The following MYH4 variants were observed in gnomAD, a reference collection of about 807,000 sequenced individuals.
MYH4 encodes myosin-4.
Under a neutral mutation model 229.9 loss-of-function variants are expected in MYH4, and 200 were observed. The ratio of observed to expected loss-of-function variants is 0.87; its 90% CI spans 0.78 to 0.98. The LOEUF (loss-of-function observed/expected upper bound fraction) is 0.98, where lower values mean the gene tolerates loss of function less well. MYH4 is among the 50% of genes least tolerant of loss of function. The pLI is 0.00. For missense variants in MYH4, 2,148 were observed against 2,332.6 expected, an observed-to-expected ratio of 0.92 and a Z score of 1.63; for synonymous variants, 761 against 834.6, an observed-to-expected ratio of 0.91 and a Z score of 1.52.
chr17:10,458,073 G>C (rs2072661233), intron 15 of MYH4, among the ~76,000 whole-genome samples: 1 of 151,994 alleles, frequency 6.6e-6, no homozygotes, highest in Admixed American at 6.5e-5. Flanking sequence ...CCTTTACCTC[G>C]AATCTAGAGG....
At chr17:10,463,498 T>C in intron 8 of MYH4, 53 bp downstream of exon 8, 1 of 1,578,736 alleles carries the variant, frequency 6.3e-7, no homozygotes, top group Admixed American at 1.7e-5. Context: ...TGACACCACA[T>C]GCACACAAGA....
At chr17:10,462,747 C>A in intron 11 of MYH4, 118 bp downstream of exon 11, 1 of 766,246 alleles carries the variant, frequency 1.3e-6, no homozygotes. Context: ...GTAAGAAAGC[C>A]CAAAGGGTTG....
At position 10,463,996 on chromosome 17, in the gene MYH4, C is replaced by T. The variant is rs143927218; in HGVS notation, c.649-353G>A. On this transcript the variant is annotated intron_variant, in intron 7 of 39. Transcript: ENST00000255381. ...AATTGGCTGCTATGATTTTGAAGCA[C>T]CACAGTCAGTTAAAAAAATTAACCT... Among the ~76,000 whole-genome samples the T allele has an allele frequency of 8.3e-4, 127 of 152,264 alleles. 1 individual carries two copies. In the East Asian group the frequency reaches 0.012, roughly 15 times the overall value.
rs779281988 is a variant in MYH4, at chr17:10,464,757, A to G, written c.506-49T>C. On this transcript the variant is annotated intron_variant, in intron 5 of 39. Coordinates refer to ENST00000255381, the MANE Select transcript of MYH4 (RefSeq NM_017533.2). ...ATATTTAGAAAAACACACTTAACAC[A>G]TAGGTCAACGCAGTACTTATAAACT... 4.3e-5 allele frequency: 68 copies of G among 1,574,242 alleles called. 2 individuals carry two copies. The South Asian group carries it at 7.3e-4, about 17-fold the overall frequency.
rs540979537 is a variant in MYH4, at chr17:10,453,877, A to G, written c.2700T>C (p.Asp900=). 224 of 1,614,118 alleles carry G rather than the reference A, an allele frequency of 1.4e-4. 3 individuals carry two copies. The South Asian group carries it at 2.3e-3, about 17-fold the overall frequency. The part of the protein sequence containing the change: ...DLQLQVQAEA[D]ALADAEERCD... ...ATCTTTCCTCTGCATCAGCCAAGGC[A>G]TCTGCTTCCTAAAGGGAGAAATTAA... The change falls in exon 23 of 40, where the codon GAT becomes GAC. Residue 900 remains aspartate, a synonymous_variant. Transcript: ENST00000255381.
chr17:10,458,939 C>A (rs1246295244), intron 15 of MYH4, among the ~76,000 whole-genome samples: 1 of 152,100 alleles, frequency 6.6e-6, no homozygotes, highest in Non-Finnish European at 1.5e-5. Flanking sequence ...AATTACACAA[C>A]CCAGAGGAAT....
In MYH4 at chr17:10,458,990, T is replaced by C. The variant is rs141456816; in HGVS notation, c.1587+261A>G. Among the ~76,000 whole-genome samples the C allele has an allele frequency of 8.0e-3, 1,222 of 152,226 alleles. 11 individuals carry two copies. Among genetic ancestry groups the C allele is most frequent in the Non-Finnish European group, 0.012 (805 of 68,018 alleles). On this transcript the variant is annotated intron_variant, in intron 15 of 39. Coordinates refer to ENST00000255381, the MANE Select transcript of MYH4 (RefSeq NM_017533.2). Reference sequence around the variant, plus strand: ...CCTTTCTCCCATATGCATGAAATAGTGTAGGAAGAAAAGTGAGGGAGAATT... The same window carrying C: ...CCTTTCTCCCATATGCATGAAATAGCGTAGGAAGAAAAGTGAGGGAGAATT...
At chr17:10,453,105 A>G (rs2072596262) in intron 24 of MYH4, 47 bp downstream of exon 24, 3 of 1,611,074 alleles carry the variant, frequency 1.9e-6, no homozygotes, top group Middle Eastern at 1.6e-4. Flanking sequence ...TCATGTCACA[A>G]TTGTTTATTT....
intron 22 of MYH4, among the ~76,000 whole-genome samples, chr17:10,454,181 G>A (rs1029550507): frequency 2.0e-5 from 3 of 152,158 alleles, no homozygotes; most frequent in African/African-American, 7.2e-5. Flanking sequence ...GTTCATTGTA[G>A]GACTCAGTTT....
chr17:10,445,754 C>T lies in MYH4; in HGVS notation c.5170-392G>A, dbSNP rs146599385. Among the ~76,000 whole-genome samples, 519 of 152,134 alleles carry T rather than the reference C, an allele frequency of 3.4e-3. 6 individuals are homozygous for T. Among genetic ancestry groups the T allele is most frequent in the East Asian group, 0.012 (60 of 5,170 alleles). On this transcript the variant is annotated intron_variant, in intron 35 of 39. Coordinates refer to ENST00000255381, the MANE Select transcript of MYH4 (RefSeq NM_017533.2). ...ATAAATAGTTGTCTTGTTGGCTGGG[C>T]GCAGTGGCTCATGCCTGTAATCCCA...
At position 10,447,930 on chromosome 17, in the gene MYH4, A is replaced by G. The variant is rs778931304; in HGVS notation, c.4853T>C (p.Ile1618Thr). 3 of 1,613,860 alleles carry G rather than the reference A, an allele frequency of 1.9e-6. No homozygotes were observed. The highest frequency in any genetic ancestry group is 2.2e-5 in the South Asian group (2 of 91,070). The change falls in exon 34 of 40, where the codon ATC becomes ACC. Residue 1618 changes from isoleucine (I) to threonine (T), a missense_variant. By Grantham distance (89) the Ile-to-Thr change is moderately conservative (BLOSUM62 -1). Coordinates refer to ENST00000255381, the MANE Select transcript of MYH4 (RefSeq NM_017533.2). The part of the protein sequence containing the change: ...EIRSRNDALR[I>T]KKKMEGDLNE... Reference sequence around the variant, plus strand: ...AAGATCTCCCTCCATCTTCTTCTTGATCCTCAGAGCATCATTTCTGCTCCT... The same window carrying G: ...AAGATCTCCCTCCATCTTCTTCTTGGTCCTCAGAGCATCATTTCTGCTCCT...
At chr17:10,468,675 C>A (rs949253235) in intron 2 of MYH4, among the ~76,000 whole-genome samples, 2 of 152,118 alleles carry the variant, frequency 1.3e-5, no homozygotes, top group Non-Finnish European at 2.9e-5. Context: ...AAACCACTGA[C>A]GTCAATCACA....
At position 10,445,111 on chromosome 17, in the gene MYH4, C is replaced by T. The variant is rs1364908943; in HGVS notation, c.5331G>A (p.Gln1777=). The change falls in exon 37 of 40, where the codon CAG becomes CAA. Residue 1777 remains glutamine (Q), a synonymous_variant. Coordinates refer to ENST00000255381, the MANE Select transcript of MYH4 (RefSeq NM_017533.2). ...AMMAEELKKE[Q]DTSAHLERMK... The stretch of plus-strand genomic sequence containing the variant: ...TCCGCTCCAGGTGGGCGCTGGTGTC[C>T]TGTTCCTTCTTCAGCTCCTCAGCCA... 6.2e-7 allele frequency: 1 copy of T among 1,614,054 alleles called. No homozygotes were observed. Among genetic ancestry groups the T allele is most frequent in the African/African-American group, 1.3e-5 (1 of 74,932 alleles).
chr17:10,446,025 C>CT (rs1368749873), intron 35 of MYH4, among the ~76,000 whole-genome samples: 2 of 27,864 alleles, frequency 7.2e-5, no homozygotes, highest in African/African-American at 2.3e-4. Context: ...GAGACCCCTT[C>CT]TCAAAAAAAA....
intron 24 of MYH4, 93 bp from the exon 25 acceptor site, chr17:10,453,025 A>T: frequency 5.1e-6 from 8 of 1,584,066 alleles, no homozygotes; most frequent in Non-Finnish European, 6.9e-6. Context: ...AAATTTAAAG[A>T]TACAACAAAT....
chr17:10,445,057 C>T lies in MYH4; in HGVS notation c.5385G>A (p.Lys1795=), dbSNP rs2072496431. ...CCTCATCCAGACGGAGCTGCAGATC[C>T]TTCACGGTCTGCTCCATGTTCTTCT... is the stretch of plus-strand genomic sequence containing the variant. ...RMKKNMEQTV[K]DLQLRLDEAE... The change falls in exon 37 of 40, where the codon AAG becomes AAA. Residue 1795 remains lysine, a synonymous_variant. Coordinates refer to ENST00000255381, the MANE Select transcript of MYH4 (RefSeq NM_017533.2). The T allele has an allele frequency of 1.2e-6, 2 of 1,614,186 alleles. No homozygotes were observed. Among genetic ancestry groups the T allele is most frequent in the Non-Finnish European group, 1.7e-6 (2 of 1,180,028 alleles).
chr17:10,465,361 A>C, intron 5 of MYH4, 81 bp downstream of exon 5: 3 of 1,521,418 alleles, frequency 2.0e-6, no homozygotes, highest in Non-Finnish European at 2.7e-6. Context: ...AGTTATTCTC[A>C]GAATACTAGC....
chr17:10,462,886 C>T lies in MYH4; in HGVS notation c.987G>A (p.Gln329=), dbSNP rs1197417662. The T allele has an allele frequency of 1.2e-6, 2 of 1,613,898 alleles. No individual in the cohort carries two copies. Among genetic ancestry groups the T allele is most frequent in the South Asian group, 1.1e-5 (1 of 91,016 alleles). ...TTACATCTGTGGCCATCAGCTCTTC[C>T]TGGTCATCAATGCTGGGCACAGTAA... The part of the protein sequence containing the change: ...GEITVPSIDD[Q]EELMATDSAV... The change falls in exon 11 of 40, where the codon CAG becomes CAA. Residue 329 remains glutamine, a synonymous_variant. Transcript: ENST00000255381.
intron 33 of MYH4, 92 bp from the exon 34 acceptor site, chr17:10,448,218 C>T: frequency 7.4e-7 from 1 of 1,343,988 alleles, no homozygotes; most frequent in South Asian, 1.5e-5. Flanking sequence ...TTAAAAAACC[C>T]ATAAACTATC....
Sources: gnomAD v4.1 joint callset for allele counts (sites outside exome capture counted in the v4.1 genomes callset) on GRCh38, gnomAD v4.1.1 for gene constraint, MANE v1.5 for transcripts, NCBI Gene and HGNC (gene_info 2026-07-23, HGNC 2026-07-21) for gene names.